The following CTNNA3 variants were observed in gnomAD, a reference collection of about 807,000 sequenced individuals.
The protein encoded by CTNNA3 is catenin alpha-3.
Under a neutral mutation model 95.7 loss-of-function variants are expected in CTNNA3, and 76 were observed. The observed-to-expected ratio is 0.79, with a 90% CI of 0.66 to 0.96. CTNNA3 has a LOEUF of 0.96. Ranked by LOEUF, CTNNA3 falls within the 40% of genes least tolerant of loss-of-function variation. CTNNA3 has a pLI of 0.00. For missense variants in CTNNA3, 1,191 were observed against 1,089.8 expected, an observed-to-expected ratio of 1.09 and a Z score of -1.31; for synonymous variants, 431 against 374.4, an observed-to-expected ratio of 1.15 and a Z score of -1.74.
intron 9 of CTNNA3, among the ~76,000 whole-genome samples, chr10:66,659,800 G>A (rs1173744435): frequency 3.9e-5 from 6 of 152,096 alleles, no homozygotes; most frequent in Non-Finnish European, 5.9e-5. Context: ...CCCGAGCTTT[G>A]ATCTTAGACT....
At chr10:67,720,579 G>C (rs1841174306) in intron 1 of CTNNA3, among the ~76,000 whole-genome samples, 1 of 152,052 alleles carries the variant, frequency 6.6e-6, no homozygotes, top group Non-Finnish European at 1.5e-5. Context: ...GCATTTGCTT[G>C]TCTGTAAAGG....
rs1432295474 is a variant in CTNNA3, at chr10:67,576,835, G to A, written c.292+30022C>T. On this transcript the variant is annotated intron_variant, in intron 3 of 17. Transcript: ENST00000433211. ...TTTTTTGTCCTTGCAATAGTTTGCT[G>A]AGAATGATAGTTTCCAGCATCATCG... Among the ~76,000 whole-genome samples, 12 of 109,604 alleles carry A rather than the reference G, an allele frequency of 1.1e-4. 5 individuals are homozygous for A. The highest frequency in any genetic ancestry group is 7.1e-4 in the African/African-American group (12 of 16,980). 71.9% of individuals were successfully genotyped at this position (109,604 alleles called of 152,430 possible). A position where few individuals can be genotyped will look rare whatever the true frequency, so the allele number is the denominator to read the frequency against.
chr10:67,717,915 G>A (rs1159246942), intron 1 of CTNNA3, among the ~76,000 whole-genome samples: 1 of 152,120 alleles, frequency 6.6e-6, no homozygotes, highest in Non-Finnish European at 1.5e-5. Flanking sequence ...GGGCAGTATG[G>A]CCATTTTCAC....
intron 5 of CTNNA3, among the ~76,000 whole-genome samples, chr10:67,425,036 C>A (rs1845871682): frequency 1.3e-5 from 2 of 152,158 alleles, no homozygotes; most frequent in Non-Finnish European, 2.9e-5. Flanking sequence ...ACTCAAAGCA[C>A]TTAGTATAAT....
chr10:66,056,075 G>A (rs149534852), intron 15 of CTNNA3, among the ~76,000 whole-genome samples: 2 of 152,180 alleles, frequency 1.3e-5, no homozygotes, highest in East Asian at 3.9e-4. Context: ...TAAAAGTGGT[G>A]AAAGTGGGAA....
intron 10 of CTNNA3, among the ~76,000 whole-genome samples, chr10:66,559,925 C>T (rs1842501844): frequency 6.6e-6 from 1 of 152,028 alleles, no homozygotes; most frequent in African/African-American, 2.4e-5. Context: ...TCCACTTCTA[C>T]ATCATAATCT....
chr10:67,533,421 CATAGAG>C (rs1210770980), intron 4 of CTNNA3, among the ~76,000 whole-genome samples: 4 of 151,880 alleles, frequency 2.6e-5, no homozygotes, highest in Non-Finnish European at 5.9e-5. Flanking sequence ...TGAACAGTAT[CATAGAG>C]ATAAACATTT....
At chr10:67,385,354 C>T (rs936385631) in intron 5 of CTNNA3, among the ~76,000 whole-genome samples, 3 of 152,266 alleles carry the variant, frequency 2.0e-5, no homozygotes, top group South Asian at 4.2e-4. Context: ...TTTTTTCAAA[C>T]CTCAGAAGTT....
intron 5 of CTNNA3, among the ~76,000 whole-genome samples, chr10:67,336,334 C>G (rs1030269260): frequency 1.3e-5 from 2 of 152,134 alleles, no homozygotes; most frequent in African/African-American, 4.8e-5. Context: ...AAAACCTAAC[C>G]CAGAGCAAGA....
At chr10:67,335,914 T>C (rs1219436514) in intron 5 of CTNNA3, among the ~76,000 whole-genome samples, 1 of 151,884 alleles carries the variant, frequency 6.6e-6, no homozygotes, top group Non-Finnish European at 1.5e-5. Context: ...AAATTGAAGG[T>C]TTGTGGCAAA....
intron 9 of CTNNA3, among the ~76,000 whole-genome samples, chr10:66,684,829 G>A (rs569558845): frequency 3.1e-4 from 47 of 152,016 alleles, no homozygotes; most frequent in South Asian, 2.7e-3. Context: ...TGTTGGCACC[G>A]GAGAAGTCCT....
intron 11 of CTNNA3, among the ~76,000 whole-genome samples, chr10:66,483,260 G>A (rs1839605302): frequency 6.6e-6 from 1 of 152,070 alleles, no homozygotes; most frequent in South Asian, 2.1e-4. Flanking sequence ...CAAGATTGTG[G>A]AAAACAAGAA....
intron 11 of CTNNA3, among the ~76,000 whole-genome samples, chr10:66,429,456 G>T (rs561922288): frequency 9.2e-5 from 14 of 152,024 alleles, no homozygotes; most frequent in African/African-American, 2.4e-4. Context: ...GCAAAAAAGA[G>T]AATTTTAGAC....
At chr10:67,320,903 A>G (rs576754884) in intron 5 of CTNNA3, among the ~76,000 whole-genome samples, 6 of 152,330 alleles carry the variant, frequency 3.9e-5, no homozygotes, top group Non-Finnish European at 7.4e-5. Flanking sequence ...AACAAATCCT[A>G]AAGTAGTTAT....
intron 13 of CTNNA3, among the ~76,000 whole-genome samples, chr10:66,252,081 T>C (rs147793751): frequency 3.9e-5 from 6 of 152,286 alleles, no homozygotes; most frequent in African/African-American, 9.6e-5. Context: ...AGTTTTAATA[T>C]ATATTAAGGG....
chr10:67,595,327 C>T (rs1432740375), intron 3 of CTNNA3, among the ~76,000 whole-genome samples: 1 of 152,104 alleles, frequency 6.6e-6, no homozygotes, highest in African/African-American at 2.4e-5. Context: ...GATTCTGGTA[C>T]ATTGTATCTT....
At chr10:67,579,016 T>G (rs1241402233) in intron 3 of CTNNA3, among the ~76,000 whole-genome samples, 1 of 119,556 alleles carries the variant, frequency 8.4e-6, no homozygotes, top group African/African-American at 3.4e-5. Flanking sequence ...TATATATATA[T>G]ATATATATAT....
intron 7 of CTNNA3, among the ~76,000 whole-genome samples, chr10:66,829,797 A>T (rs1842648418): frequency 6.6e-6 from 1 of 151,808 alleles, no homozygotes; most frequent in African/African-American, 2.4e-5. Context: ...CCACCTACTG[A>T]TCAGAAACTA....
intron 2 of CTNNA3, among the ~76,000 whole-genome samples, chr10:67,638,095 C>A (rs190162230): frequency 1.7e-4 from 26 of 152,302 alleles, no homozygotes. Context: ...CAAGACCCAT[C>A]AGTGTGCTGC....
Sources: gnomAD v4.1 joint callset for allele counts (sites outside exome capture counted in the v4.1 genomes callset) on GRCh38, gnomAD v4.1.1 for gene constraint, MANE v1.5 for transcripts, NCBI Gene and HGNC (gene_info 2026-07-23, HGNC 2026-07-21) for gene names.